The following DPP10 variants were observed in gnomAD, a reference collection of about 807,000 sequenced individuals.
The protein encoded by DPP10 is dipeptidyl peptidase like 10, also known as inactive dipeptidyl peptidase 10.
DPP10 carries 33 observed loss-of-function variants against 120.9 expected under a neutral mutation model. The observed-to-expected ratio is 0.27, with a 90% CI of 0.21 to 0.37. DPP10 has a LOEUF of 0.37. Among genes scored for constraint, DPP10 ranks in the 10% least tolerant of loss-of-function variants. The pLI, the probability that DPP10 is intolerant of heterozygous loss-of-function variation, is 1.00. For missense variants in DPP10, 816 were observed against 942.8 expected (o/e 0.87, Z 1.76); for synonymous variants, 337 against 326.1 (o/e 1.03, Z -0.36).
At chr2:114,505,463 T>G (rs1417859946) in intron 1 of DPP10, among the ~76,000 whole-genome samples, 2 of 149,602 alleles carry the variant, frequency 1.3e-5, no homozygotes, top group South Asian at 2.1e-4. Context: ...ATTTATGTGT[T>G]TTTTTTTTTA....
At chr2:115,520,493 C>T (rs1020951543) in intron 4 of DPP10, among the ~76,000 whole-genome samples, 5 of 130,932 alleles carry the variant, frequency 3.8e-5, no homozygotes, top group Non-Finnish European at 8.1e-5. Context: ...AATTATTCAG[C>T]CAAAGCTCCT....
chr2:115,261,414 A>C (rs936046584), intron 1 of DPP10, among the ~76,000 whole-genome samples: 1 of 152,308 alleles, frequency 6.6e-6, no homozygotes, highest in East Asian at 1.9e-4. Flanking sequence ...GGTTTAGTGA[A>C]TCTGGAAACT....
chr2:115,811,871 C>T (rs528431496), intron 19 of DPP10, among the ~76,000 whole-genome samples: 1 of 152,150 alleles, frequency 6.6e-6, no homozygotes, highest in Non-Finnish European at 1.5e-5. Context: ...AATTACTGTA[C>T]AACTAGCCGA....
intron 3 of DPP10, among the ~76,000 whole-genome samples, chr2:115,421,777 A>G (rs1329987565): frequency 6.8e-6 from 1 of 146,588 alleles, no homozygotes; most frequent in Non-Finnish European, 1.5e-5. Context: ...AGGCTGAGGC[A>G]GGAGAATCGC....
intron 1 of DPP10, among the ~76,000 whole-genome samples, chr2:115,011,265 G>A (rs543818774): frequency 1.3e-5 from 2 of 152,228 alleles, no homozygotes; most frequent in East Asian, 1.9e-4. Context: ...TTGTACAGTG[G>A]GGTGTTCCAG....
chr2:115,470,305 C>T (rs538300306), intron 3 of DPP10, among the ~76,000 whole-genome samples: 5 of 152,230 alleles, frequency 3.3e-5, no homozygotes, highest in African/African-American at 1.2e-4. Flanking sequence ...GTTTCTGTTA[C>T]AAAAATTTTA....
chr2:115,262,053 A>G (rs2059274003), intron 1 of DPP10, among the ~76,000 whole-genome samples: 1 of 152,084 alleles, frequency 6.6e-6, no homozygotes, highest in South Asian at 2.1e-4. Flanking sequence ...TTGAGATTCC[A>G]TTTTCACTTC....
chr2:115,692,265 A>G (rs1385795929), intron 7 of DPP10, among the ~76,000 whole-genome samples: 1 of 151,840 alleles, frequency 6.6e-6, no homozygotes, highest in Non-Finnish European at 1.5e-5. Flanking sequence ...GACATGCTTT[A>G]TGGCTTGGGA....
chr2:115,759,644 T>C (rs1238868520), intron 11 of DPP10, among the ~76,000 whole-genome samples: 3 of 151,864 alleles, frequency 2.0e-5, no homozygotes, highest in Non-Finnish European at 4.4e-5. Context: ...AAACACAATT[T>C]TTTTGTTTAT....
At chr2:115,696,368 G>T (rs1001133031) in intron 7 of DPP10, among the ~76,000 whole-genome samples, 3 of 152,014 alleles carry the variant, frequency 2.0e-5, no homozygotes, top group African/African-American at 7.2e-5. Flanking sequence ...GGCCCTCCTC[G>T]CTTGTCACAT....
chr2:115,344,135 C>CAAA (rs751004918), intron 3 of DPP10, among the ~76,000 whole-genome samples: 13 of 49,244 alleles, frequency 2.6e-4, no homozygotes, highest in Admixed American at 4.3e-4. Flanking sequence ...GACTCCATCT[C>CAAA]AAAAAAAAAA....
intron 1 of DPP10, among the ~76,000 whole-genome samples, chr2:114,873,855 A>G (rs1690917089): frequency 6.6e-6 from 1 of 152,176 alleles, no homozygotes; most frequent in African/African-American, 2.4e-5. Context: ...ATCCCTGGCC[A>G]GAGATTTTGA....
At chr2:115,136,846 T>A (rs986117710) in intron 1 of DPP10, among the ~76,000 whole-genome samples, 1 of 152,220 alleles carries the variant, frequency 6.6e-6, no homozygotes, top group Non-Finnish European at 1.5e-5. Context: ...CAGAGCAATA[T>A]AATTTTAGAA....
intron 1 of DPP10, chr2:115,297,235 TG>T: frequency 5.9e-6 from 2 of 339,124 alleles, no homozygotes; most frequent in South Asian, 2.2e-5. Flanking sequence ...TGGCATAAGC[TG>T]GGCACACACT....
At chr2:114,788,338 T>C (rs1212778134) in intron 1 of DPP10, among the ~76,000 whole-genome samples, 1 of 152,194 alleles carries the variant, frequency 6.6e-6, no homozygotes, top group Non-Finnish European at 1.5e-5. Context: ...ATATAAATTA[T>C]ACTTGCACAC....
intron 1 of DPP10, among the ~76,000 whole-genome samples, chr2:115,293,625 GA>G (rs1220722189): frequency 1.3e-5 from 2 of 152,086 alleles, no homozygotes. Context: ...TAACTGTTCA[GA>G]AACTGTGTGA....
chr2:114,910,560 A>T (rs1401755), intron 1 of DPP10, among the ~76,000 whole-genome samples: 81,967 of 151,928 alleles, frequency 0.54, 22,505 homozygotes, highest in African/African-American at 0.65. Context: ...TTTTTACTAC[A>T]TTCTGATTTC....
intron 7 of DPP10, among the ~76,000 whole-genome samples, chr2:115,706,228 C>T (rs1198913819): frequency 1.3e-5 from 2 of 151,826 alleles, no homozygotes; most frequent in Admixed American, 1.3e-4. Context: ...TAAAAATCAC[C>T]TACACATCAG....
intron 1 of DPP10, among the ~76,000 whole-genome samples, chr2:114,845,931 G>A (rs1161695812): frequency 6.6e-6 from 1 of 151,988 alleles, no homozygotes; most frequent in East Asian, 1.9e-4. Context: ...AAGGAGCTTG[G>A]GGAGTTATGT....
Sources: gnomAD v4.1 joint callset for allele counts (sites outside exome capture counted in the v4.1 genomes callset) on GRCh38, gnomAD v4.1.1 for gene constraint, MANE v1.5 for transcripts, NCBI Gene and HGNC (gene_info 2026-07-23, HGNC 2026-07-21) for gene names.